The following PTER variants were observed in gnomAD, a reference collection of about 807,000 sequenced individuals.
The protein encoded by PTER is phosphotriesterase related, also known as N-acetyltaurine hydrolase.
PTER carries 38 observed loss-of-function variants against 29.6 expected under a neutral mutation model. The ratio of observed to expected loss-of-function variants is 1.28; its 90% confidence interval spans 0.99 to 1.68. PTER has a LOEUF of 1.68. Ranked by LOEUF, PTER falls within the 40% of genes most tolerant of loss-of-function variation. The pLI is 0.00. For missense variants in PTER, 482 were observed against 427.8 expected (o/e 1.13, Z -1.12); for synonymous variants, 172 against 154.5 (o/e 1.11, Z -0.84).
chr10:16,467,809 A>G (rs1327083025), intron 1 of PTER, among the ~76,000 whole-genome samples: 3 of 152,188 alleles, frequency 2.0e-5, no homozygotes, highest in African/African-American at 7.2e-5. Context: ...CTCAATAATA[A>G]TAGTAAAATA....
At position 16,486,708 on chromosome 10, in the gene PTER, C is replaced by G. The variant is rs1450162562; in HGVS notation, c.698+91C>G. The G allele has an allele frequency of 4.4e-6, 6 of 1,366,712 alleles. No individual in the cohort carries two copies. In the Admixed American group the frequency reaches 6.8e-5, roughly 15 times the overall value. 84.7% of individuals were successfully genotyped at this position (1,366,712 alleles called of 1,614,324 possible). A position where few individuals can be genotyped will look rare whatever the true frequency, so the allele number is the denominator to read the frequency against. ...TCTACAGTAATCAGTCAATGCAATA[C>G]TAATCACGCAGAGAAAACCACTAAC... On this transcript the variant is annotated intron_variant, in intron 3 of 4. Transcript: ENST00000535784.
chr10:16,467,010 C>G (rs1035450228), intron 1 of PTER, among the ~76,000 whole-genome samples: 1 of 152,192 alleles, frequency 6.6e-6, no homozygotes, highest in Non-Finnish European at 1.5e-5. Flanking sequence ...TTGACTTCCA[C>G]CAATGCAGAT....
intron 1 of PTER, among the ~76,000 whole-genome samples, chr10:16,470,767 C>CA (rs1404570902): frequency 1.5e-4 from 23 of 149,846 alleles, no homozygotes; most frequent in South Asian, 4.2e-4. Flanking sequence ...GGCTCCATCT[C>CA]AAAAAAAACA....
chr10:16,492,733 G>C (rs1244367595), intron 3 of PTER, among the ~76,000 whole-genome samples: 1 of 152,204 alleles, frequency 6.6e-6, no homozygotes, highest in Admixed American at 6.5e-5. Flanking sequence ...AAAGGGCTTT[G>C]ATAGAAATCC....
intron 1 of PTER, among the ~76,000 whole-genome samples, chr10:16,467,673 G>A (rs959696953): frequency 2.6e-5 from 4 of 152,100 alleles, no homozygotes; most frequent in African/African-American, 7.2e-5. Context: ...TTAGCCAGGT[G>A]TGGTAGTGGG....
chr10:16,486,970 C>G (rs1388751984), intron 3 of PTER, among the ~76,000 whole-genome samples: 1 of 152,148 alleles, frequency 6.6e-6, no homozygotes, highest in Non-Finnish European at 1.5e-5. Flanking sequence ...TCCACTTGCT[C>G]AATGTTTACC....
downstream of PTER, chr10:16,514,711 T>C (rs7909832): frequency 0.56 from 901,561 of 1,601,128 alleles, 256,415 homozygotes; most frequent in African/African-American, 0.67. Context: ...CACGCACCTA[T>C]GTGAAACAGA....
intron 1 of PTER, among the ~76,000 whole-genome samples, chr10:16,454,979 A>AT (rs1834343845): frequency 6.6e-6 from 1 of 152,210 alleles, no homozygotes; most frequent in Non-Finnish European, 1.5e-5. Context: ...CTGTGATCCC[A>AT]GCACTTTGAG....
chr10:16,466,688 G>C (rs10904743), intron 1 of PTER, among the ~76,000 whole-genome samples: 1 of 151,482 alleles, frequency 6.6e-6, no homozygotes, highest in Admixed American at 6.6e-5. Context: ...AACAAAACGT[G>C]GTAGCCAAAA....
At chr10:16,509,568 C>A (rs550926630) in intron 4 of PTER, among the ~76,000 whole-genome samples, 1 of 152,182 alleles carries the variant, frequency 6.6e-6, no homozygotes, top group Non-Finnish European at 1.5e-5. Context: ...ACCTCCTATA[C>A]CGTGATACTT....
chr10:16,451,872 T>A (rs1004895767), intron 1 of PTER, among the ~76,000 whole-genome samples: 1 of 152,190 alleles, frequency 6.6e-6, no homozygotes, highest in Non-Finnish European at 1.5e-5. Context: ...ATTGTGGAGA[T>A]GTTGCTAAGC....
At chr10:16,454,249 C>G (rs2051013) in intron 1 of PTER, among the ~76,000 whole-genome samples, 95,543 of 151,958 alleles carry the variant, frequency 0.63, 31,272 homozygotes, top group East Asian at 0.8. Context: ...TGGCACAGAA[C>G]ATACTTTATA....
In PTER at chr10:16,511,031, T is replaced by C; in HGVS notation, c.840-15T>C. 6 of 1,602,952 alleles carry C rather than the reference T, an allele frequency of 3.7e-6. No individual in the cohort carries two copies. The highest frequency in any genetic ancestry group is 5.1e-6 in the Non-Finnish European group (6 of 1,173,804). ...GAAAGACAAATGACATCTAATGAGT[T>C]AACATTTTTCACAGGGTGCGTCTCC... is the stretch of plus-strand genomic sequence containing the variant. On this transcript the variant is annotated splice_polypyrimidine_tract_variant and intron_variant, in intron 4 of 4. Transcript: ENST00000535784.
chr10:16,443,311 C>T (rs1228583671), intron 1 of PTER, among the ~76,000 whole-genome samples: 7 of 152,176 alleles, frequency 4.6e-5, no homozygotes, highest in African/African-American at 1.7e-4. Context: ...CCTAACAACC[C>T]CCTTTTAACT....
At position 16,486,459 on chromosome 10, in the gene PTER, A is replaced by T; in HGVS notation, c.540A>T (p.Glu180Asp). ...IGCSWPLTES[E>D]RKVLQATAHA... ...GCTCCTGGCCTTTGACTGAGAGTGA[A>T]AGAAAGGTTCTCCAGGCCACAGCTC... The change falls in exon 3 of 5, where the codon GAA becomes GAT. Residue 180 changes from glutamate to aspartate, a missense_variant. Physicochemically the swap from Glu to Asp is conservative, Grantham distance 45. Transcript: ENST00000535784. 1 of 1,614,072 alleles carries T rather than the reference A, an allele frequency of 6.2e-7. No individual in the cohort carries two copies. Among genetic ancestry groups the T allele is most frequent in the Non-Finnish European group, 8.5e-7 (1 of 1,179,982 alleles).
chr10:16,444,197 T>C (rs1434157731), intron 1 of PTER, among the ~76,000 whole-genome samples: 3 of 152,134 alleles, frequency 2.0e-5, no homozygotes, highest in African/African-American at 4.8e-5. Flanking sequence ...ATTTTCAGCA[T>C]GTTGGCCGGG....
chr10:16,454,618 T>C (rs1834327716), intron 1 of PTER, among the ~76,000 whole-genome samples: 1 of 151,838 alleles, frequency 6.6e-6, no homozygotes, highest in South Asian at 2.1e-4. Context: ...GCCTATTGAA[T>C]CAGGAATTAT....
At chr10:16,506,797 T>G (rs1284490119) in intron 4 of PTER, among the ~76,000 whole-genome samples, 1 of 151,892 alleles carries the variant, frequency 6.6e-6, no homozygotes, top group East Asian at 1.9e-4. Context: ...GGCAGCACTG[T>G]GTAGAGCAGG....
At chr10:16,481,931 G>A (rs1362547601) in intron 1 of PTER, among the ~76,000 whole-genome samples, 1 of 152,072 alleles carries the variant, frequency 6.6e-6, no homozygotes, top group Non-Finnish European at 1.5e-5. Context: ...CACACTCCTT[G>A]CTCTCAGTAG....
Sources: gnomAD v4.1 joint callset for allele counts (sites outside exome capture counted in the v4.1 genomes callset) on GRCh38, gnomAD v4.1.1 for gene constraint, MANE v1.5 for transcripts, NCBI Gene and HGNC (gene_info 2026-07-23, HGNC 2026-07-21) for gene names.